Variants in PRKN observed in about 807,000 individuals in gnomAD.
PRKN encodes parkin RBR E3 ubiquitin protein ligase, also known as E3 ubiquitin-protein ligase parkin.
Under a neutral mutation model 59.5 loss-of-function variants are expected in PRKN, and 56 were observed. The ratio of observed to expected loss-of-function variants is 0.94; its 90% CI spans 0.76 to 1.18. PRKN has a LOEUF of 1.18. PRKN is among the 50% of genes most tolerant of loss of function. The pLI is 0.00. For missense variants in PRKN, 657 were observed against 596.4 expected (o/e 1.10, Z -1.06); for synonymous variants, 250 against 222.1 (o/e 1.13, Z -1.12).
chr6:162,104,883 G>A (rs1780125251), intron 4 of PRKN, among the ~76,000 whole-genome samples: 3 of 152,178 alleles, frequency 2.0e-5, no homozygotes, highest in African/African-American at 4.8e-5. Context: ...AGAAATCAGA[G>A]AGGGGAGAAT....
chr6:161,674,411 G>A (rs1193338913), intron 7 of PRKN, among the ~76,000 whole-genome samples: 1 of 151,964 alleles, frequency 6.6e-6, no homozygotes, highest in Admixed American at 6.6e-5. Flanking sequence ...GTCTCTATTA[G>A]GTTAACCACA....
intron 6 of PRKN, among the ~76,000 whole-genome samples, chr6:161,907,668 G>A (rs770144543): frequency 3.3e-4 from 51 of 152,296 alleles, no homozygotes; most frequent in Admixed American, 1.7e-3. Flanking sequence ...TGAAAGTGAC[G>A]TAAGACGTGA....
At chr6:162,434,193 T>C (rs1038037949) in intron 2 of PRKN, among the ~76,000 whole-genome samples, 1 of 152,188 alleles carries the variant, frequency 6.6e-6, no homozygotes, top group African/African-American at 2.4e-5. Context: ...TGAAGACATA[T>C]ATGTACAAAA....
chr6:161,728,798 A>G (rs1453375623), intron 7 of PRKN, among the ~76,000 whole-genome samples: 6 of 152,144 alleles, frequency 3.9e-5, no homozygotes, highest in Non-Finnish European at 8.8e-5. Context: ...CAGCTCCACT[A>G]TTCTTCAAAA....
chr6:162,479,274 G>A (rs974433298), intron 1 of PRKN, among the ~76,000 whole-genome samples: 6 of 151,470 alleles, frequency 4.0e-5, no homozygotes, highest in Admixed American at 3.9e-4. Flanking sequence ...TGCCCGGGTT[G>A]GAGTGCGGTG....
intron 6 of PRKN, among the ~76,000 whole-genome samples, chr6:161,856,707 A>G (rs2128223590): frequency 6.6e-6 from 1 of 152,196 alleles, no homozygotes; most frequent in South Asian, 2.1e-4. Context: ...CCTGTTCTGA[A>G]GCTCTTAAGT....
At chr6:161,615,299 C>T (rs1454379192) in intron 7 of PRKN, among the ~76,000 whole-genome samples, 2 of 152,004 alleles carry the variant, frequency 1.3e-5, no homozygotes, top group African/African-American at 4.8e-5. Flanking sequence ...TTTACAATAA[C>T]CCCAAAGCTA....
At chr6:162,420,811 G>A (rs1035906720) in intron 2 of PRKN, among the ~76,000 whole-genome samples, 6 of 152,114 alleles carry the variant, frequency 3.9e-5, no homozygotes, top group East Asian at 3.9e-4. Context: ...CAGTTTTAAC[G>A]GCTTACCTCT....
chr6:161,858,518 A>G (rs1418946792), intron 6 of PRKN, among the ~76,000 whole-genome samples: 2 of 152,148 alleles, frequency 1.3e-5, no homozygotes, highest in Non-Finnish European at 2.9e-5. Flanking sequence ...AAACAGCCCT[A>G]ACCATCAAGA....
intron 2 of PRKN, among the ~76,000 whole-genome samples, chr6:162,416,180 C>T (rs761099356): frequency 3.9e-5 from 6 of 152,004 alleles, no homozygotes; most frequent in African/African-American, 7.3e-5. Context: ...ACAAAATTGT[C>T]GAGGGTGAGT....
intron 2 of PRKN, among the ~76,000 whole-genome samples, chr6:162,385,468 G>A (rs1401762282): frequency 1.3e-5 from 2 of 152,004 alleles, no homozygotes; most frequent in South Asian, 2.1e-4. Flanking sequence ...AGCTAATTGC[G>A]GTGGCTTTTT....
intron 6 of PRKN, among the ~76,000 whole-genome samples, chr6:161,800,365 G>C (rs930794987): frequency 3.9e-5 from 6 of 152,062 alleles, no homozygotes; most frequent in Non-Finnish European, 8.8e-5. Flanking sequence ...AACATCCATG[G>C]GTTCATGGTT....
intron 5 of PRKN, among the ~76,000 whole-genome samples, chr6:162,032,890 A>T (rs1329830801): frequency 6.6e-6 from 1 of 152,184 alleles, no homozygotes; most frequent in Non-Finnish European, 1.5e-5. Flanking sequence ...AAATATGACA[A>T]AACAAAGAAA....
chr6:162,434,988 C>T (rs1400802915), intron 2 of PRKN, among the ~76,000 whole-genome samples: 1 of 152,180 alleles, frequency 6.6e-6, no homozygotes, highest in Admixed American at 6.5e-5. Flanking sequence ...TTAAATTCTT[C>T]CCTAAAGGAT....
chr6:161,926,049 G>C (rs187945058), intron 6 of PRKN, among the ~76,000 whole-genome samples: 5 of 152,288 alleles, frequency 3.3e-5, no homozygotes, highest in African/African-American at 1.2e-4. Flanking sequence ...CGGTGCAGTA[G>C]AAGCTGAAGT....
intron 4 of PRKN, among the ~76,000 whole-genome samples, chr6:162,160,282 C>G (rs1330457903): frequency 1.3e-5 from 2 of 151,924 alleles, no homozygotes; most frequent in African/African-American, 4.8e-5. Flanking sequence ...ATATGGATGG[C>G]AAATAACAAC....
intron 1 of PRKN, among the ~76,000 whole-genome samples, chr6:162,480,687 T>C (rs1792264634): frequency 6.6e-6 from 1 of 152,014 alleles, no homozygotes; most frequent in South Asian, 2.1e-4. Context: ...CTTCCCTGAC[T>C]CTAGCAAATC....
intron 7 of PRKN, among the ~76,000 whole-genome samples, chr6:161,743,213 C>CTTTTT (rs768890758): frequency 5.9e-5 from 5 of 84,572 alleles, no homozygotes; most frequent in Admixed American, 1.5e-4. Context: ...TGGTTTCTAC[C>CTTTTT]TTTTTTTTTT....
chr6:161,696,057 C>T (rs563064222), intron 7 of PRKN, among the ~76,000 whole-genome samples: 1 of 152,200 alleles, frequency 6.6e-6, no homozygotes, highest in South Asian at 2.1e-4. Context: ...ATACATCTCT[C>T]CTTAGAAGAG....
Sources: allele counts gnomAD v4.1 joint callset (sites outside exome capture counted in the v4.1 genomes callset), GRCh38; gene constraint gnomAD v4.1.1; transcripts MANE v1.5; gene names NCBI Gene and HGNC (gene_info 2026-07-23, HGNC 2026-07-21).